CASK: variants seen among roughly 807,000 people sequenced by gnomAD.
CASK encodes the protein calcium/calmodulin dependent serine protein kinase.
Under a neutral mutation model 82.9 loss-of-function variants are expected in CASK, and 4 were observed. The ratio of observed to expected loss-of-function variants is 0.05; its 90% confidence interval spans 0.02 to 0.11. The LOEUF is 0.11. Among genes scored for constraint, CASK ranks in the 10% least tolerant of loss-of-function variants. The pLI is 1.00. For missense variants in CASK, 358 were observed against 720.9 expected, an observed-to-expected ratio of 0.50 and a Z score of 5.76; for synonymous variants, 259 against 253.5, an observed-to-expected ratio of 1.02 and a Z score of -0.20.
chrX:41,825,524 G>A (rs922626016), intron 2 of CASK, among the ~76,000 whole-genome samples: 1 of 112,080 alleles, frequency 8.9e-6, no homozygotes, highest in African/African-American at 3.2e-5. Flanking sequence ...ACCAAAAACA[G>A]CAAAGTATGT....
chrX:41,554,031 A>G (rs1569302337), intron 20 of CASK, 116 bp from the exon 21 acceptor site: 5 of 550,450 alleles, frequency 9.1e-6, no homozygotes, highest in Non-Finnish European at 1.6e-5. Context: ...AGATGGTGAA[A>G]GCAAAAACGA....
intron 4 of CASK, 92 bp from the exon 5 acceptor site, chrX:41,739,548 T>C (rs2068560100): frequency 5.2e-6 from 3 of 574,477 alleles, no homozygotes; most frequent in Non-Finnish European, 9.0e-6. Context: ...CCCACTCTCA[T>C]ATTAGCTGTC....
At chrX:41,799,066 TTAAAA>T (rs1430961544) in intron 2 of CASK, among the ~76,000 whole-genome samples, 1 of 112,428 alleles carries the variant, frequency 8.9e-6, no homozygotes, top group Non-Finnish European at 1.9e-5. Flanking sequence ...AAAGTCTTGA[TTAAAA>T]TAAAGCTCAA....
At chrX:41,639,550 T>C (rs184965070) in intron 8 of CASK, among the ~76,000 whole-genome samples, 22 of 110,540 alleles carry the variant, frequency 2.0e-4, no homozygotes, top group African/African-American at 5.6e-4. Flanking sequence ...GAAAGAGAGA[T>C]AGACTCTGAA....
intron 5 of CASK, among the ~76,000 whole-genome samples, chrX:41,680,521 T>C (rs2067335703): frequency 9.1e-6 from 1 of 109,756 alleles, no homozygotes; most frequent in South Asian, 3.8e-4. Flanking sequence ...ATAAAATATA[T>C]AAATAAATCC....
At chrX:41,687,531 T>C (rs1217820245) in intron 5 of CASK, among the ~76,000 whole-genome samples, 1 of 111,890 alleles carries the variant, frequency 8.9e-6, no homozygotes, top group East Asian at 2.8e-4. Flanking sequence ...AGAATCATGA[T>C]TGTCAAGGGC....
chrX:41,731,804 T>A (rs185824260), intron 5 of CASK, among the ~76,000 whole-genome samples: 40 of 111,288 alleles, frequency 3.6e-4, no homozygotes, highest in African/African-American at 1.3e-3. Context: ...TCTGTCTCTG[T>A]CGTCCAGGCT....
intron 5 of CASK, among the ~76,000 whole-genome samples, chrX:41,732,822 C>T (rs1043193452): frequency 3.7e-5 from 4 of 108,457 alleles, no homozygotes; most frequent in Non-Finnish European, 7.6e-5. Context: ...CTTCAACCTC[C>T]TGGGCTCAAG....
chrX:41,803,825 C>A lies in CASK; in HGVS notation c.173-16542G>T, dbSNP rs1341505136. On this transcript the variant is annotated intron_variant, in intron 2 of 26. Transcript: ENST00000378163. The stretch of plus-strand genomic sequence containing the variant: ...AGGCAATAACTGATGATATCTGAAA[C>A]TATGAAATCAAGAAATAGTAATATA... Among the ~76,000 whole-genome samples the A allele has an allele frequency of 2.7e-5, 3 of 111,362 alleles. No homozygotes were observed. The East Asian group carries it at 8.4e-4, about 31-fold the overall frequency.
intron 1 of CASK, among the ~76,000 whole-genome samples, chrX:41,909,084 T>C (rs1440058393): frequency 8.9e-6 from 1 of 112,067 alleles, no homozygotes. Flanking sequence ...CAGAATTCCC[T>C]TGGAGGGTTT....
chrX:41,844,509 A>G (rs1040865541), intron 2 of CASK, among the ~76,000 whole-genome samples: 1 of 111,690 alleles, frequency 9.0e-6, no homozygotes, highest in African/African-American at 3.2e-5. Flanking sequence ...ATTTTTCAGC[A>G]TATTCTCTTA....
intron 2 of CASK, among the ~76,000 whole-genome samples, chrX:41,838,825 T>C (rs185149667): frequency 6.1e-4 from 68 of 112,023 alleles, no homozygotes; most frequent in African/African-American, 2.0e-3. Flanking sequence ...AGTTAATTTT[T>C]TATAGGGCAT....
intron 5 of CASK, chrX:41,695,562 C>A: frequency 1.4e-6 from 1 of 700,553 alleles, no homozygotes. Flanking sequence ...TAGGAAAAAT[C>A]TGAAGACATA....
chrX:41,632,066 G>A (rs1442413708), intron 9 of CASK, among the ~76,000 whole-genome samples: 1 of 110,933 alleles, frequency 9.0e-6, no homozygotes, highest in Admixed American at 9.7e-5. Context: ...AAGTAGCTGG[G>A]ACCACAGGCG....
chrX:41,542,695 A>C lies in CASK; in HGVS notation c.2151T>G (p.Asn717Lys), dbSNP rs1165099331. The C allele has an allele frequency of 8.5e-7, 1 of 1,179,501 alleles. No homozygotes were observed. Among genetic ancestry groups the C allele is most frequent in the Non-Finnish European group, 1.2e-6 (1 of 867,615 alleles). Residue 717 changes from asparagine (N) to lysine (K), a missense_variant, in exon 22 of 27, where the codon AAT (asparagine) becomes AAG (lysine). Physicochemically the swap from Asn to Lys is moderately conservative, Grantham distance 94. Around this residue, in one of 5 missense-constraint regions of CASK, gnomAD observed 118 missense variants for 169.4 expected, o/e 0.70. Coordinates refer to ENST00000378163, the MANE Select transcript of CASK (RefSeq NM_001367721.1). ...AACAGTTGTGCTTTTCCCTACCTGC[A>C]TTGTGCTTTGCCAAATATTTATCTT... ...QYKDKYLAKH[N>K]AVFDQLDLVT...
chrX:41,899,817 G>T (rs2072335674), intron 1 of CASK, among the ~76,000 whole-genome samples: 1 of 111,353 alleles, frequency 9.0e-6, no homozygotes, highest in African/African-American at 3.3e-5. Flanking sequence ...TACAGCATTA[G>T]AGTATTTTGA....
chrX:41,804,857 T>C (rs1357155665), intron 2 of CASK, among the ~76,000 whole-genome samples: 2 of 102,416 alleles, frequency 2.0e-5, no homozygotes, highest in Non-Finnish European at 4.2e-5. Flanking sequence ...TTGTTCTCTA[T>C]AATAACAAAA....
intron 8 of CASK, among the ~76,000 whole-genome samples, chrX:41,642,465 A>G (rs1247786092): frequency 9.0e-6 from 1 of 111,656 alleles, no homozygotes; most frequent in Non-Finnish European, 1.9e-5. Context: ...GTATCTCATT[A>G]TGGTTTTGAT....
At chrX:41,848,777 G>A (rs2071207294) in intron 2 of CASK, among the ~76,000 whole-genome samples, 1 of 111,511 alleles carries the variant, frequency 9.0e-6, no homozygotes, top group Non-Finnish European at 1.9e-5. Context: ...TCAAGTTGCT[G>A]GTTTTCATCG....
Sources: allele counts gnomAD v4.1 joint callset (sites outside exome capture counted in the v4.1 genomes callset), GRCh38; gene constraint gnomAD v4.1.1; regional missense constraint gnomAD v4.1.1; transcripts MANE v1.5; gene names NCBI Gene and HGNC (gene_info 2026-07-23, HGNC 2026-07-21).